LEKR1: variants seen among roughly 807,000 people sequenced by gnomAD.
The protein encoded by LEKR1 is leucine, glutamate and lysine rich 1.
In LEKR1, 59 loss-of-function variants were observed where a neutral mutation model predicts 72.4. That is an observed-to-expected ratio of 0.82 (90% CI 0.66 to 1.01). The LOEUF is 1.01. Ranked by LOEUF, LEKR1 falls within the 50% of genes least tolerant of loss-of-function variation. The pLI is 0.00. For missense variants in LEKR1, 728 were observed against 759.2 expected, an observed-to-expected ratio of 0.96 and a Z score of 0.48; for synonymous variants, 257 against 263.2, an observed-to-expected ratio of 0.98 and a Z score of 0.23.
intron 12 of LEKR1, 24 bp downstream of exon 12, chr3:157,028,426 T>C (rs1446266208): frequency 1.3e-6 from 2 of 1,538,474 alleles, no homozygotes; most frequent in Non-Finnish European, 8.7e-7. Flanking sequence ...AGTGGTAACT[T>C]TGCAATTAAT....
intron 3 of LEKR1, among the ~76,000 whole-genome samples, chr3:156,861,253 T>A (rs1716730726): frequency 6.6e-6 from 1 of 152,136 alleles, no homozygotes; most frequent in African/African-American, 2.4e-5. Context: ...ACAACTCCCT[T>A]TATAAAAGGT....
intron 5 of LEKR1, among the ~76,000 whole-genome samples, chr3:156,932,511 G>A (rs1330862392): frequency 6.6e-6 from 1 of 152,012 alleles, no homozygotes; most frequent in Non-Finnish European, 1.5e-5. Flanking sequence ...TCAAGAGTTT[G>A]AGACCAGCCT....
chr3:156,855,441 C>A (rs1281307763), intron 3 of LEKR1, among the ~76,000 whole-genome samples: 1 of 152,112 alleles, frequency 6.6e-6, no homozygotes, highest in Non-Finnish European at 1.5e-5. Flanking sequence ...ATTACCTATA[C>A]ACATATATTG....
At chr3:156,958,213 C>T (rs1244058680) in intron 6 of LEKR1, among the ~76,000 whole-genome samples, 1 of 152,016 alleles carries the variant, frequency 6.6e-6, no homozygotes, top group East Asian at 1.9e-4. Flanking sequence ...ATATCAGGGT[C>T]CCCATATAGA....
At position 157,045,895 on chromosome 3, in the gene LEKR1, GT is replaced by G. The variant is rs1735723474; in HGVS notation, c.*146del. 4.4e-5 allele frequency: 32 copies of G among 727,490 alleles called. 1 individual carries two copies. In the South Asian group the frequency reaches 6.8e-4, roughly 15 times the overall value. The allele number at this position is 727,490 out of a possible 1,614,324, so 45.1% of individuals were successfully genotyped here. A position where few individuals can be genotyped will look rare whatever the true frequency, so the allele number is the denominator to read the frequency against. ...CTATAGATGTATTTAACAAAAGACT[GT>G]AAAAAGCTGGAAAATTGTGAAGCCT... On this transcript the variant is annotated 3_prime_UTR_variant, in exon 13 of 13. Coordinates refer to ENST00000356539, the MANE Select transcript of LEKR1 (RefSeq NM_001004316.3).
At chr3:156,958,208 A>G (rs576052184) in intron 6 of LEKR1, among the ~76,000 whole-genome samples, 1 of 152,186 alleles carries the variant, frequency 6.6e-6, no homozygotes, top group South Asian at 2.1e-4. Context: ...TTCTCATATC[A>G]GGGTCCCCAT....
At chr3:156,908,052 A>G (rs1722704891) in intron 3 of LEKR1, among the ~76,000 whole-genome samples, 1 of 152,030 alleles carries the variant, frequency 6.6e-6, no homozygotes, top group South Asian at 2.1e-4. Flanking sequence ...GAGATTATTC[A>G]TTTTTGGCAA....
intron 9 of LEKR1, among the ~76,000 whole-genome samples, chr3:157,004,256 G>C (rs1732238615): frequency 6.6e-6 from 1 of 152,006 alleles, no homozygotes; most frequent in African/African-American, 2.4e-5. Flanking sequence ...ATGATAAGTA[G>C]GTCAACTCAT....
intron 9 of LEKR1, among the ~76,000 whole-genome samples, chr3:156,997,641 G>C (rs969110638): frequency 1.3e-5 from 2 of 152,186 alleles, no homozygotes; most frequent in Non-Finnish European, 2.9e-5. Context: ...ATAAATCCAA[G>C]CAGTGTCAGA....
At chr3:156,909,634 C>A (rs183594404) in intron 3 of LEKR1, among the ~76,000 whole-genome samples, 6 of 132,988 alleles carry the variant, frequency 4.5e-5, no homozygotes, top group Admixed American at 2.6e-4. Context: ...CTGGGAGAGG[C>A]GACAGAGTGA....
chr3:156,973,906 C>G (rs1220417871), intron 6 of LEKR1, among the ~76,000 whole-genome samples: 24 of 152,142 alleles, frequency 1.6e-4, no homozygotes, highest in Admixed American at 1.6e-3. Context: ...TGTTATAAAG[C>G]AGGAGCCTTT....
intron 5 of LEKR1, among the ~76,000 whole-genome samples, chr3:156,932,705 CAAA>C (rs71141797): frequency 2.3e-3 from 234 of 99,704 alleles, no homozygotes; most frequent in East Asian, 5.4e-3. Flanking sequence ...GACTCTGTCT[CAAA>C]AAAAAAAAAA....
In LEKR1 at chr3:156,979,135, T is replaced by C. The variant is rs138352279; in HGVS notation, c.746-59T>C. The stretch of plus-strand genomic sequence containing the variant: ...CAACAAAAGAATATGGTTTACTCTA[T>C]GAAAATATCTGGACACTTAAAATGT... On this transcript the variant is annotated intron_variant, in intron 6 of 12. Coordinates refer to ENST00000356539, the MANE Select transcript of LEKR1 (RefSeq NM_001004316.3). The C allele has an allele frequency of 9.1e-4, 688 of 757,394 alleles. 3 individuals carry two copies. The African/African-American group carries it at 0.011, about 12-fold the overall frequency. 46.9% of individuals were successfully genotyped at this position (757,394 alleles called of 1,614,324 possible). A position where few individuals can be genotyped will look rare whatever the true frequency, so the allele number is the denominator to read the frequency against.
chr3:156,827,952 C>T (rs1399083267), intron 1 of LEKR1, among the ~76,000 whole-genome samples: 1 of 152,146 alleles, frequency 6.6e-6, no homozygotes, highest in South Asian at 2.1e-4. Context: ...TTACTGATGG[C>T]AAATCCACCA....
intron 2 of LEKR1, among the ~76,000 whole-genome samples, chr3:156,838,266 A>G (rs552894701): frequency 6.6e-6 from 1 of 152,354 alleles, no homozygotes; most frequent in African/African-American, 2.4e-5. Flanking sequence ...GTGACCAACC[A>G]GACAAACTAG....
chr3:157,016,787 A>G (rs1733378402), intron 10 of LEKR1, among the ~76,000 whole-genome samples: 1 of 152,236 alleles, frequency 6.6e-6, no homozygotes, highest in Non-Finnish European at 1.5e-5. Flanking sequence ...AGAGGGTAGA[A>G]GTGGAAATAT....
chr3:156,920,747 A>T, intron 4 of LEKR1, 53 bp downstream of exon 4: 1 of 992,308 alleles, frequency 1.0e-6, no homozygotes, highest in Non-Finnish European at 1.4e-6. Context: ...GCTTAATACT[A>T]ACTTTGTAAA....
At position 156,853,905 on chromosome 3, in the gene LEKR1, G is replaced by A. The variant is rs138210491; in HGVS notation, c.263+923G>A. ...TAATTTGGAGGGGTTTTACCTGTCA[G>A]GGATTCTTTTGTTTGGTGTATTCAC... On this transcript the variant is annotated intron_variant, in intron 3 of 12. Coordinates refer to ENST00000356539, the MANE Select transcript of LEKR1 (RefSeq NM_001004316.3). Among the ~76,000 whole-genome samples, 1,414 of 152,032 alleles carry A rather than the reference G, an allele frequency of 9.3e-3. 20 individuals carry two copies. The highest frequency in any genetic ancestry group is 0.033 in the African/African-American group (1,365 of 41,508).
intron 5 of LEKR1, among the ~76,000 whole-genome samples, chr3:156,937,818 T>C (rs1232177394): frequency 6.6e-6 from 1 of 152,186 alleles, no homozygotes; most frequent in African/African-American, 2.4e-5. Context: ...TATCATGTAA[T>C]ACTGTTCAGC....
Sources: allele counts gnomAD v4.1 joint callset (sites outside exome capture counted in the v4.1 genomes callset), GRCh38; gene constraint gnomAD v4.1.1; transcripts MANE v1.5; gene names NCBI Gene and HGNC (gene_info 2026-07-23, HGNC 2026-07-21).